SCOC: variants seen among roughly 807,000 people sequenced by gnomAD.
SCOC encodes short coiled-coil protein, also known as short coiled coil protein.
In SCOC, 7 loss-of-function variants were observed where a neutral mutation model predicts 9.9. The observed-to-expected ratio is 0.71, with a 90% CI of 0.40 to 1.33. The LOEUF (loss-of-function observed/expected upper bound fraction) is 1.33. SCOC is among the 40% of genes most tolerant of loss of function. The pLI, the probability that SCOC is intolerant of heterozygous loss-of-function variation, is 0.01. For synonymous variants in SCOC, 19 were observed against 28.2 expected (o/e 0.67, Z 1.03); for missense variants, 66 against 89.7 (o/e 0.74, Z 1.07).
intron 1 of SCOC, among the ~76,000 whole-genome samples, chr4:140,330,592 A>G (rs1219691762): frequency 6.6e-6 from 1 of 152,244 alleles, no homozygotes; most frequent in Non-Finnish European, 1.5e-5. Context: ...AGGGCTGCAG[A>G]GTTGAGACAT....
rs552941165 is a variant in SCOC at position 140,330,735 on chromosome 4, C to G, written c.-18-12886C>G. 3.3e-5 allele frequency among the ~76,000 whole-genome samples: 5 copies of G among 152,318 alleles called. No homozygotes were observed. In the South Asian group the frequency reaches 1.0e-3, roughly 32 times the overall value. On this transcript the variant is annotated intron_variant, in intron 1 of 4. Coordinates refer to the SCOC transcript ENST00000394205. ...AGTCAAATGACTTTGAAAGTTTTAA[C>G]ACTAATAAATGCCTTGTGAGGATAT...
intron 2 of SCOC, among the ~76,000 whole-genome samples, chr4:140,362,312 T>TCTTCTTCTTCTTCTTCTTCTTCC (rs1727593429): frequency 1.6e-5 from 1 of 63,582 alleles, no homozygotes; most frequent in Admixed American, 1.7e-4. Flanking sequence ...TTTTTTTTTT[T>TCTTCTTCTTCTTCTTCTTCTTCC]TTTGTGAGAG....
chr4:140,355,893 A>AT (rs1288185264), intron 2 of SCOC, among the ~76,000 whole-genome samples: 2 of 152,174 alleles, frequency 1.3e-5, no homozygotes, highest in Non-Finnish European at 2.9e-5. Flanking sequence ...TATTTATGCA[A>AT]TTTTTTTCAT....
At chr4:140,270,545 A>T (rs1005488368) in intron 1 of SCOC, among the ~76,000 whole-genome samples, 2 of 152,096 alleles carry the variant, frequency 1.3e-5, no homozygotes, top group Non-Finnish European at 2.9e-5. Flanking sequence ...TATGTTGTCC[A>T]GGCTGGTACT....
chr4:140,341,183 C>T (rs1022013205), upstream of SCOC, among the ~76,000 whole-genome samples: 8 of 152,042 alleles, frequency 5.3e-5, no homozygotes, highest in Non-Finnish European at 1.2e-4. Context: ...GAATCAAGTG[C>T]TTAGTCAATC....
intron 1 of SCOC, among the ~76,000 whole-genome samples, chr4:140,308,117 C>G (rs1365312447): frequency 1.3e-5 from 2 of 152,104 alleles, no homozygotes; most frequent in Non-Finnish European, 2.9e-5. Context: ...GATGAATGTG[C>G]TATTCATCTG....
At chr4:140,359,530 G>T (rs1281312380) in intron 2 of SCOC, among the ~76,000 whole-genome samples, 1 of 152,134 alleles carries the variant, frequency 6.6e-6, no homozygotes, top group African/African-American at 2.4e-5. Flanking sequence ...GCTTCAAGGG[G>T]AAGGAACGTA....
rs1438805706 is a variant in SCOC, at chr4:140,383,926, G to C, written c.*2822G>C. On this transcript the variant is annotated 3_prime_UTR_variant, in exon 4 of 4. Transcript: ENST00000608372. The stretch of plus-strand genomic sequence containing the variant: ...CTAAAAATAAGATTACACTGGGAAT[G>C]TTACATGCAGATCATCACTGCAAAG... 3 of 152,208 alleles carry C rather than the reference G, an allele frequency of 2.0e-5. No homozygotes were observed. The highest frequency in any genetic ancestry group is 7.2e-5 in the African/African-American group (3 of 41,448). The allele number at this position is 152,208 out of a possible 1,614,324, so 9.4% of individuals were successfully genotyped here. A position where few individuals can be genotyped will look rare whatever the true frequency, so the allele number is the denominator to read the frequency against.
At position 140,322,919 on chromosome 4, in the gene SCOC, G is replaced by A. The variant is rs1405594085; in HGVS notation, c.-18-20702G>A. Reference sequence around the variant, plus strand: ...TTTGGAGATCTTTAGAGGCCGCCATGCCCACCACAGGCCCAGAGTGCTAGG... The same window carrying A: ...TTTGGAGATCTTTAGAGGCCGCCATACCCACCACAGGCCCAGAGTGCTAGG... On this transcript the variant is annotated intron_variant, in intron 1 of 4. Transcript: ENST00000394205. Among the ~76,000 whole-genome samples, 3 of 152,096 alleles carry A rather than the reference G, an allele frequency of 2.0e-5. No homozygotes were observed. In the East Asian group the frequency reaches 5.8e-4, roughly 29 times the overall value.
chr4:140,355,211 T>TTATATATATATA (rs34322076), intron 2 of SCOC, among the ~76,000 whole-genome samples: 82 of 61,332 alleles, frequency 1.3e-3, no homozygotes, highest in Admixed American at 6.2e-3. Flanking sequence ...CATTATATTT[T>TTATATATATATA]TATATATATA....
At position 140,382,570 on chromosome 4, in the gene SCOC, A is replaced by C. The variant is rs1038140939; in HGVS notation, c.*1466A>C. The stretch of plus-strand genomic sequence containing the variant: ...TTTCAGAGGTTGTGTGTGTTTTGAT[A>C]TAGTTGCCTAAGTAAATGGGGTATT... On this transcript the variant is annotated 3_prime_UTR_variant, in exon 4 of 4. Coordinates refer to ENST00000608372, the MANE Select transcript of SCOC (RefSeq NM_001153484.2). 2.6e-5 allele frequency: 4 copies of C among 152,640 alleles called. No individual in the cohort carries two copies. The highest frequency in any genetic ancestry group is 7.2e-5 in the African/African-American group (3 of 41,440). 9.5% of individuals were successfully genotyped at this position (152,640 alleles called of 1,614,324 possible).
chr4:140,358,018 T>A (rs1727306957), intron 2 of SCOC, among the ~76,000 whole-genome samples: 2 of 152,066 alleles, frequency 1.3e-5, no homozygotes, highest in Admixed American at 1.3e-4. Flanking sequence ...TTCCTTTCTC[T>A]CTCTCTAACG....
At chr4:140,308,908 C>G (rs1732071565) in intron 1 of SCOC, among the ~76,000 whole-genome samples, 1 of 152,156 alleles carries the variant, frequency 6.6e-6, no homozygotes, top group African/African-American at 2.4e-5. Flanking sequence ...CTAGAGCTTA[C>G]AGTTCAGGAG....
intron 1 of SCOC, among the ~76,000 whole-genome samples, chr4:140,281,741 C>T (rs922096425): frequency 6.6e-6 from 1 of 152,158 alleles, no homozygotes; most frequent in Admixed American, 6.5e-5. Flanking sequence ...CTTGCCACCT[C>T]ACTAGCTTAC....
chr4:140,379,186 A>G lies in SCOC; in HGVS notation c.16A>G (p.Met6Val). The stretch of plus-strand genomic sequence containing the variant: ...GTTACCCAAGATGATGAATGCTGAC[A>G]TGGATGGTATGTTCTTCATTTTCTT... MMNAD[M>V]DAVDAENQVE... Residue 6 changes from methionine (M) to valine (V), a missense_variant, in exon 2 of 4, where the codon ATG (methionine) becomes GTG (valine). Coordinates refer to ENST00000608372, the MANE Select transcript of SCOC (RefSeq NM_001153484.2). The G allele has an allele frequency of 1.2e-6, 2 of 1,601,066 alleles. No individual in the cohort carries two copies. Among genetic ancestry groups the G allele is most frequent in the Non-Finnish European group, 1.7e-6 (2 of 1,168,342 alleles).
Position 140,381,068 on chromosome 4 carries a change from T to G in SCOC, c.213T>G (p.Val71=). The stretch of plus-strand genomic sequence containing the variant: ...AAAATCTCATGTCAGCTTCTAGTGT[T>G]TTTCAAACAACTGACACAAAAAGCA... ...YIENLMSASS[V]FQTTDTKSKR... Residue 71 remains valine, a synonymous_variant, in exon 4 of 4, where the codon GTT becomes GTG. Coordinates refer to ENST00000608372, the MANE Select transcript of SCOC (RefSeq NM_001153484.2). 1 of 1,600,460 alleles carries G rather than the reference T, an allele frequency of 6.2e-7. No homozygotes were observed.
rs1407183518 is a variant in SCOC, at chr4:140,384,147, T to TA, written c.*3044dup. On this transcript the variant is annotated 3_prime_UTR_variant, in exon 4 of 4. Coordinates refer to ENST00000608372, the MANE Select transcript of SCOC (RefSeq NM_001153484.2). ...TGCTTGAAAATGTCAATTTTTTTGA[T>TA]ACCTTGCTGAAAGCAAGGAATAGCC... 19 of 152,392 alleles carry TA rather than the reference T, an allele frequency of 1.2e-4. No individual in the cohort carries two copies. Among genetic ancestry groups the TA allele is most frequent in the Admixed American group, 1.0e-3 (16 of 15,306 alleles). The allele number at this position is 152,392 out of a possible 1,614,324, so 9.4% of individuals were successfully genotyped here.
intron 2 of SCOC, among the ~76,000 whole-genome samples, chr4:140,349,897 T>A (rs1348664628): frequency 1.3e-5 from 2 of 152,166 alleles, no homozygotes; most frequent in Non-Finnish European, 2.9e-5. Context: ...GAACAATCAA[T>A]GCCTCACAGC....
upstream of SCOC, among the ~76,000 whole-genome samples, chr4:140,340,540 G>A (rs893728971): frequency 6.6e-6 from 1 of 151,670 alleles, no homozygotes; most frequent in Non-Finnish European, 1.5e-5. Flanking sequence ...CTGGATATCC[G>A]AATGTAAAAG....
Sources: gnomAD v4.1 joint callset for allele counts (sites outside exome capture counted in the v4.1 genomes callset) on GRCh38, gnomAD v4.1.1 for gene constraint, MANE v1.5 for transcripts, NCBI Gene and HGNC (gene_info 2026-07-23, HGNC 2026-07-21) for gene names.